The following SNCAIP variants were observed in gnomAD, a reference collection of about 807,000 sequenced individuals.
The protein encoded by SNCAIP is synphilin-1.
A neutral mutation model predicts 86.7 loss-of-function variants in SNCAIP; 43 were observed. That is an observed-to-expected ratio of 0.50 (90% confidence interval 0.39 to 0.64). The LOEUF is 0.64. Ranked by LOEUF, SNCAIP falls within the 30% of genes least tolerant of loss-of-function variation. SNCAIP has a pLI of 0.00. For missense variants in SNCAIP, 981 were observed against 1,103.1 expected (o/e 0.89, Z 1.57); for synonymous variants, 417 against 427.2 (o/e 0.98, Z 0.29).
chr5:122,385,734 G>A (rs985423159), intron 1 of SNCAIP, among the ~76,000 whole-genome samples: 21 of 151,882 alleles, frequency 1.4e-4, no homozygotes, highest in African/African-American at 4.8e-4. Flanking sequence ...GAGCGGCTGT[G>A]TTTTTCTAAG....
In SNCAIP at chr5:122,422,927, A is replaced by T. The variant is rs369754080; in HGVS notation, c.190A>T (p.Thr64Ser). 2.4e-5 allele frequency: 38 copies of T among 1,614,184 alleles called. No homozygotes were observed. Among genetic ancestry groups the T allele is most frequent in the South Asian group, 1.8e-4 (16 of 91,086 alleles). ...TCTTATTACAAACACGCAAAAGCCC[A>T]CAGGAATCGCTGATGTGTACAGTAA... ...STLITNTQKPTGIADVYSKFR... is the reference protein window; with the variant it reads ...STLITNTQKPSGIADVYSKFR... The change falls in exon 4 of 11, where the codon ACA (threonine) becomes TCA (serine). Residue 64 changes from threonine (T) to serine (S), a missense_variant. Transcript: ENST00000261368.
At chr5:122,454,696 C>T (rs1322827823) in intron 10 of SNCAIP, among the ~76,000 whole-genome samples, 8 of 152,100 alleles carry the variant, frequency 5.3e-5, no homozygotes, top group Non-Finnish European at 1.0e-4. Flanking sequence ...GCTGAAGTTA[C>T]CAGCAACCCC....
At position 122,450,663 on chromosome 5, in the gene SNCAIP, C is replaced by T. The variant is rs201736134; in HGVS notation, c.1816C>T (p.Arg606Trp). The change falls in exon 10 of 11, where the codon CGG (arginine) becomes TGG (tryptophan). Residue 606 changes from arginine to tryptophan, a missense_variant. Physicochemically the swap from Arg to Trp is moderately radical, Grantham distance 101. Coordinates refer to ENST00000261368, the MANE Select transcript of SNCAIP (RefSeq NM_005460.4). Reference protein sequence around the residue: ...QVLGSLSASSRARPKAKDEDS... With the variant: ...QVLGSLSASSWARPKAKDEDS... ...TCTTGGAAGCCTGTCAGCCTCCAGC[C>T]GGGCTAGACCCAAAGCAAAAGATGA... 7.1e-5 allele frequency: 114 copies of T among 1,614,012 alleles called. No individual in the cohort carries two copies. The highest frequency in any genetic ancestry group is 3.3e-4 in the Middle Eastern group (2 of 6,084).
chr5:122,366,323 A>G (rs113374481), intron 1 of SNCAIP, among the ~76,000 whole-genome samples: 115 of 152,298 alleles, frequency 7.6e-4, no homozygotes, highest in African/African-American at 2.7e-3. Flanking sequence ...GACATAGAAG[A>G]CACTGCCTGT....
chr5:122,347,828 A>G (rs1200709013), intron 1 of SNCAIP, among the ~76,000 whole-genome samples: 1 of 152,130 alleles, frequency 6.6e-6, no homozygotes, highest in Non-Finnish European at 1.5e-5. Context: ...AAGTTCTGCA[A>G]AAGAAGGCAA....
In SNCAIP at chr5:122,451,304, G is replaced by A; in HGVS notation, c.2457G>A (p.Glu819=). 1 of 1,614,188 alleles carries A rather than the reference G, an allele frequency of 6.2e-7. No homozygotes were observed. The highest frequency in any genetic ancestry group is 8.5e-7 in the Non-Finnish European group (1 of 1,180,034). The part of the protein sequence containing the change: ...SQNLKLRVTF[E]EPVVQMEQPS... ...ACTTAAAACTGAGAGTTACCTTTGA[G>A]GAGCCTGTGGTGCAGATGGAGCAGC... is the stretch of plus-strand genomic sequence containing the variant. The change falls in exon 10 of 11, where the codon GAG becomes GAA. Residue 819 remains glutamate (E), a synonymous_variant. Coordinates refer to ENST00000261368, the MANE Select transcript of SNCAIP (RefSeq NM_005460.4).
chr5:122,449,825 GT>G lies in SNCAIP; in HGVS notation c.1593-16del. The G allele has an allele frequency of 6.4e-7, 1 of 1,567,054 alleles. No individual in the cohort carries two copies. Among genetic ancestry groups the G allele is most frequent in the African/African-American group, 1.4e-5 (1 of 74,056 alleles). On this transcript the variant is annotated intron_variant, in intron 8 of 10. Coordinates refer to ENST00000261368, the MANE Select transcript of SNCAIP (RefSeq NM_005460.4). ...GTAACCAGTATCAGAGTCCTCATGT[GT>G]TTTGGTTGTTTTCCCCAGACAAACA...
chr5:122,448,086 C>T (rs548970525), intron 8 of SNCAIP, among the ~76,000 whole-genome samples: 6 of 152,150 alleles, frequency 3.9e-5, no homozygotes, highest in Non-Finnish European at 8.8e-5. Context: ...TCCGATCTCA[C>T]ATAATTAGAT....
intron 1 of SNCAIP, among the ~76,000 whole-genome samples, chr5:122,362,602 A>G (rs1374993480): frequency 1.3e-5 from 2 of 152,196 alleles, no homozygotes; most frequent in Non-Finnish European, 2.9e-5. Context: ...CGGAGAACTC[A>G]TAGGAATGCT....
At chr5:122,376,371 G>C (rs1383409915) in intron 1 of SNCAIP, among the ~76,000 whole-genome samples, 2 of 152,080 alleles carry the variant, frequency 1.3e-5, no homozygotes, top group Non-Finnish European at 2.9e-5. Context: ...ACCATTTCAG[G>C]TGTGCCAAAA....
At chr5:122,351,213 A>G (rs937536866) in intron 1 of SNCAIP, among the ~76,000 whole-genome samples, 19 of 151,928 alleles carry the variant, frequency 1.3e-4, no homozygotes, top group Admixed American at 1.1e-3. Context: ...TCATTAATAG[A>G]TGTGCTTATT....
chr5:122,403,407 C>T (rs1203835307), intron 2 of SNCAIP, among the ~76,000 whole-genome samples: 1 of 152,126 alleles, frequency 6.6e-6, no homozygotes, highest in Non-Finnish European at 1.5e-5. Flanking sequence ...CTTGGCTTTT[C>T]GTACACAAGC....
chr5:122,386,630 A>T (rs1051398305), intron 1 of SNCAIP, among the ~76,000 whole-genome samples: 1 of 152,156 alleles, frequency 6.6e-6, no homozygotes, highest in Non-Finnish European at 1.5e-5. Flanking sequence ...AAGGGAGCCA[A>T]GCTGTCATTA....
chr5:122,329,724 ATGGC>A (rs1440967568), intron 1 of SNCAIP, among the ~76,000 whole-genome samples: 1 of 152,256 alleles, frequency 6.6e-6, no homozygotes, highest in Non-Finnish European at 1.5e-5. Context: ...GTAAAATAAC[ATGGC>A]TTTTAAAAAT....
chr5:122,446,622 A>G (rs1249198086), intron 8 of SNCAIP, among the ~76,000 whole-genome samples: 1 of 152,200 alleles, frequency 6.6e-6, no homozygotes, highest in African/African-American at 2.4e-5. Flanking sequence ...GAACTAAGAG[A>G]GGCTACGTTG....
At chr5:122,365,650 G>C (rs1300262061) in intron 1 of SNCAIP, among the ~76,000 whole-genome samples, 5 of 152,228 alleles carry the variant, frequency 3.3e-5, no homozygotes, top group Non-Finnish European at 5.9e-5. Flanking sequence ...CTGCACTCTA[G>C]TCTGGGCGGC....
At chr5:122,421,473 T>C (rs752196197) in intron 3 of SNCAIP, among the ~76,000 whole-genome samples, 1 of 152,220 alleles carries the variant, frequency 6.6e-6, no homozygotes, top group Non-Finnish European at 1.5e-5. Flanking sequence ...TAATGTATGT[T>C]CCACTTTCAC....
At chr5:122,440,897 G>C (rs924159513) in intron 7 of SNCAIP, 143 bp downstream of exon 7, 2 of 796,230 alleles carry the variant, frequency 2.5e-6, no homozygotes, top group Non-Finnish European at 4.1e-6. Flanking sequence ...TGCTCTATTT[G>C]TGTTTCCAGA....
chr5:122,351,112 T>C (rs769154432), intron 1 of SNCAIP, among the ~76,000 whole-genome samples: 2 of 152,236 alleles, frequency 1.3e-5, no homozygotes, highest in South Asian at 2.1e-4. Flanking sequence ...TTCTCTCAAA[T>C]ATAAAAGTGT....
Sources: allele counts gnomAD v4.1 joint callset (sites outside exome capture counted in the v4.1 genomes callset), GRCh38; gene constraint gnomAD v4.1.1; transcripts MANE v1.5; gene names NCBI Gene and HGNC (gene_info 2026-07-23, HGNC 2026-07-21).